Variants in DGKI observed in about 807,000 individuals in gnomAD.
DGKI encodes diacylglycerol kinase iota, also known as DAG kinase iota.
A neutral mutation model predicts 147.5 loss-of-function variants in DGKI; 55 were observed. The ratio of observed to expected loss-of-function variants is 0.37; its 90% confidence interval spans 0.30 to 0.47. The LOEUF is 0.47. Ranked by LOEUF, DGKI falls within the 20% of genes least tolerant of loss-of-function variation. The pLI, the probability that DGKI is intolerant of heterozygous loss-of-function variation, is 1.00. For synonymous variants in DGKI, 469 were observed against 477.1 expected (o/e 0.98, Z 0.22); for missense variants, 1,007 against 1,323.8 (o/e 0.76, Z 3.71).
At position 137,497,169 on chromosome 7, in the gene DGKI, C is replaced by A. The variant is rs28849673; in HGVS notation, c.2249-9480G>T. Among the ~76,000 whole-genome samples the A allele has an allele frequency of 3.7e-3, 561 of 150,744 alleles. 3 individuals carry two copies. The highest frequency in any genetic ancestry group is 0.013 in the African/African-American group (541 of 41,158). On this transcript the variant is annotated intron_variant, in intron 21 of 32. Coordinates refer to ENST00000614521, the MANE Select transcript of DGKI (RefSeq NM_001321708.2). ...CATATTTCAAAAGAAGACATATATC[C>A]GGCAATCAATCATAGAAAAAAAAGT...
chr7:137,631,806 TC>T lies in DGKI; in HGVS notation c.805-8253del, dbSNP rs550428474. On this transcript the variant is annotated intron_variant, in intron 6 of 32. Coordinates refer to ENST00000614521, the MANE Select transcript of DGKI (RefSeq NM_001321708.2). ...GTGACAGAGGAAGAAGCAAACCAAA[TC>T]TCAGAACTAGGCAGGCTAAAGCTGC... Among the ~76,000 whole-genome samples, 24 of 152,088 alleles carry T rather than the reference TC, an allele frequency of 1.6e-4. 1 individual carries two copies. In the South Asian group the frequency reaches 5.0e-3, roughly 32 times the overall value.
At chr7:137,503,986 T>A (rs541542171) in intron 21 of DGKI, among the ~76,000 whole-genome samples, 5 of 152,242 alleles carry the variant, frequency 3.3e-5, no homozygotes, top group African/African-American at 1.2e-4. Context: ...CTCTAGAGTC[T>A]AAACTAAAGC....
At chr7:137,841,199 C>T (rs549306956) in intron 1 of DGKI, among the ~76,000 whole-genome samples, 5 of 152,326 alleles carry the variant, frequency 3.3e-5, no homozygotes, top group African/African-American at 1.2e-4. Flanking sequence ...CAAGTGGACG[C>T]TTTTGAGCTC....
chr7:137,798,583 C>T (rs556365690), intron 1 of DGKI, among the ~76,000 whole-genome samples: 2 of 152,082 alleles, frequency 1.3e-5, no homozygotes, highest in East Asian at 3.9e-4. Flanking sequence ...TCACGCCTAG[C>T]TAATTTTTGT....
At chr7:137,504,383 T>C (rs1816292722) in intron 21 of DGKI, among the ~76,000 whole-genome samples, 1 of 152,174 alleles carries the variant, frequency 6.6e-6, no homozygotes. Flanking sequence ...TAAGAACGTG[T>C]GATACCTTAG....
intron 1 of DGKI, among the ~76,000 whole-genome samples, chr7:137,717,770 G>C (rs1794423397): frequency 6.6e-6 from 1 of 152,220 alleles, no homozygotes; most frequent in Admixed American, 6.5e-5. Context: ...GTTGGAACAA[G>C]AGCATGCTTT....
Position 137,386,851 on chromosome 7 carries a change from A to C in DGKI, c.*4369T>G, listed in dbSNP as rs2128890578. 1 of 152,298 alleles carries C rather than the reference A, an allele frequency of 6.6e-6. No homozygotes were observed. Among genetic ancestry groups the C allele is most frequent in the Admixed American group, 6.5e-5 (1 of 15,288 alleles). The allele number at this position is 152,298 out of a possible 1,614,324, so 9.4% of individuals were successfully genotyped here. The stretch of plus-strand genomic sequence containing the variant: ...GGCAGAAGCCATTTTATATTAAATA[A>C]GTGTTAAAGATTAATCAGAAAGCTA... On this transcript the variant is annotated 3_prime_UTR_variant, in exon 33 of 33. Coordinates refer to ENST00000614521, the MANE Select transcript of DGKI (RefSeq NM_001321708.2).
intron 1 of DGKI, among the ~76,000 whole-genome samples, chr7:137,712,496 T>C (rs1159720924): frequency 1.3e-5 from 2 of 152,204 alleles, no homozygotes; most frequent in Admixed American, 6.5e-5. Flanking sequence ...TTAAGCATTA[T>C]AAAATTAGGA....
At chr7:137,699,751 C>T (rs1823913140) in intron 1 of DGKI, among the ~76,000 whole-genome samples, 1 of 152,178 alleles carries the variant, frequency 6.6e-6, no homozygotes, top group Non-Finnish European at 1.5e-5. Context: ...TAGCATCCCA[C>T]TCCCCATTTC....
chr7:137,533,124 AC>A (rs1209933769), intron 20 of DGKI, among the ~76,000 whole-genome samples: 1 of 152,008 alleles, frequency 6.6e-6, no homozygotes, highest in Non-Finnish European at 1.5e-5. Flanking sequence ...ATCTCTAAAA[AC>A]TTTTTTTTAA....
chr7:137,796,404 G>A (rs185395723), intron 1 of DGKI, among the ~76,000 whole-genome samples: 13 of 152,222 alleles, frequency 8.5e-5, no homozygotes, highest in African/African-American at 3.1e-4. Context: ...GGAGGCTGAG[G>A]CAGGAGAATC....
At chr7:137,541,194 G>T (rs554054824) in intron 20 of DGKI, among the ~76,000 whole-genome samples, 2 of 152,142 alleles carry the variant, frequency 1.3e-5, no homozygotes, top group South Asian at 2.1e-4. Context: ...ATAAGCCATA[G>T]GTCAATGGCA....
chr7:137,760,240 C>T (rs924281117), intron 1 of DGKI, among the ~76,000 whole-genome samples: 1 of 152,170 alleles, frequency 6.6e-6, no homozygotes, highest in African/African-American at 2.4e-5. Flanking sequence ...CGGGAAGAAA[C>T]GGCATTTTCC....
At chr7:137,550,768 C>A (rs1818018792) in intron 20 of DGKI, among the ~76,000 whole-genome samples, 1 of 152,132 alleles carries the variant, frequency 6.6e-6, no homozygotes, top group Non-Finnish European at 1.5e-5. Context: ...GAGTTCTCTG[C>A]CTATATATAG....
intron 3 of DGKI, among the ~76,000 whole-genome samples, chr7:137,674,977 C>G (rs372283635): frequency 6.6e-6 from 1 of 152,162 alleles, no homozygotes; most frequent in African/African-American, 2.4e-5. Context: ...TAGGAGCCTG[C>G]AGGTAGTACC....
intron 20 of DGKI, among the ~76,000 whole-genome samples, chr7:137,544,142 C>T (rs993381880): frequency 2.0e-5 from 3 of 152,156 alleles, no homozygotes; most frequent in African/African-American, 7.2e-5. Flanking sequence ...CACGCACACT[C>T]ATGGAATAAG....
At chr7:137,516,252 G>A (rs1214848477) in intron 21 of DGKI, among the ~76,000 whole-genome samples, 1 of 152,020 alleles carries the variant, frequency 6.6e-6, no homozygotes, top group Non-Finnish European at 1.5e-5. Flanking sequence ...ACTCTACTAA[G>A]GAAATATGCT....
At chr7:137,685,719 C>T (rs1263625088) in intron 2 of DGKI, among the ~76,000 whole-genome samples, 1 of 152,160 alleles carries the variant, frequency 6.6e-6, no homozygotes, top group African/African-American at 2.4e-5. Flanking sequence ...CTGCTGCAGG[C>T]TGTCACTGTG....
intron 5 of DGKI, among the ~76,000 whole-genome samples, chr7:137,652,908 T>C (rs1822079405): frequency 6.6e-6 from 1 of 152,230 alleles, no homozygotes; most frequent in Admixed American, 6.5e-5. Context: ...AATAGGCTGA[T>C]GACTCACAAT....
Sources: allele counts gnomAD v4.1 joint callset (sites outside exome capture counted in the v4.1 genomes callset), GRCh38; gene constraint gnomAD v4.1.1; transcripts MANE v1.5; gene names NCBI Gene and HGNC (gene_info 2026-07-23, HGNC 2026-07-21).